Variants in VKORC1 observed in about 807,000 individuals in gnomAD.
VKORC1 encodes the protein phylloquinone epoxide reductase.
Under a neutral mutation model 14.8 loss-of-function variants are expected in VKORC1, and 12 were observed. The ratio of observed to expected loss-of-function variants is 0.81; its 90% CI spans 0.52 to 1.31. VKORC1 has a LOEUF of 1.31. Among genes scored for constraint, VKORC1 ranks in the 50% most tolerant of loss-of-function variants. The pLI is 0.00. For missense variants in VKORC1, 223 were observed against 215.3 expected (o/e 1.04, Z -0.22); for synonymous variants, 94 against 92.5 (o/e 1.02, Z -0.09).
rs781537497 is a variant in VKORC1 at position 31,091,220 on chromosome 16, T to C, written c.406A>G (p.Ile136Val). ...CTCACGTTGATAGCATAGGTGGTGA[T>C]ACAAACAATGCAGAAATCATAGAGC... ...FVLYDFCIVC[I>V]TTYAINVSLM... is the part of the protein sequence containing the mutation. The change falls in exon 3 of 3, where the codon ATC (isoleucine) becomes GTC (valine). Residue 136 changes from isoleucine to valine, a missense_variant. Physicochemically the swap from Ile to Val is conservative, Grantham distance 29. Coordinates refer to ENST00000394975, the MANE Select transcript of VKORC1 (RefSeq NM_024006.6). 1.9e-5 allele frequency: 30 copies of C among 1,613,990 alleles called. No homozygotes were observed. The South Asian group carries it at 3.2e-4, about 17-fold the overall frequency.
intron 1 of VKORC1, 136 bp downstream of exon 1, chr16:31,094,421 C>A: frequency 6.2e-7 from 1 of 1,612,934 alleles, no homozygotes; most frequent in Non-Finnish European, 8.5e-7. Flanking sequence ...GGTAGCTCAG[C>A]CCCTGTGCAA....
In VKORC1 at chr16:31,094,680, A is replaced by G; in HGVS notation, c.50T>C (p.Leu17Pro). The G allele has an allele frequency of 6.2e-7, 1 of 1,608,194 alleles. No individual in the cohort carries two copies. Among genetic ancestry groups the G allele is most frequent in the South Asian group, 1.1e-5 (1 of 90,764 alleles). ...SPGWVRLALC[L>P]TGLVLSLYAL... The stretch of plus-strand genomic sequence containing the variant: ...GTAGAGCGAGAGCACTAAGCCCGTC[A>G]GGCAAAGAGCGAGCCGCACCCAGCC... Residue 17 changes from leucine (L) to proline (P), a missense_variant, in exon 1 of 3, where the codon CTG (leucine) becomes CCG (proline). Coordinates refer to ENST00000394975, the MANE Select transcript of VKORC1 (RefSeq NM_024006.6).
In VKORC1 at chr16:31,093,409, A is replaced by C. The variant is rs770312170; in HGVS notation, c.186T>G (p.Gly62=). 7.1e-5 allele frequency: 115 copies of C among 1,613,954 alleles called. No individual in the cohort carries two copies. Among genetic ancestry groups the C allele is most frequent in the Non-Finnish European group, 9.1e-5 (107 of 1,180,002 alleles). The change falls in exon 2 of 3, where the codon GGT becomes GGG. Residue 62 remains glycine, a synonymous_variant. Coordinates refer to ENST00000394975, the MANE Select transcript of VKORC1 (RefSeq NM_024006.6). ...CCAGCACATGCTCCACCAGCCCGAA[A>C]CCCCTGCCCCACCTGGCAGAGGGGT... is the stretch of plus-strand genomic sequence containing the variant. ...SRVFSSRWGR[G]FGLVEHVLGQ... is the part of the protein sequence containing the mutation.
At position 31,094,293 on chromosome 16, in the gene VKORC1, T is replaced by C. The variant is rs369810433; in HGVS notation, c.173+264A>G. The C allele has an allele frequency of 1.9e-5, 30 of 1,612,910 alleles. No homozygotes were observed. The Middle Eastern group carries it at 6.6e-4, about 35-fold the overall frequency. On this transcript the variant is annotated intron_variant, in intron 1 of 2. Transcript: ENST00000394975. ...TACCGCCATCCTGCCTCCCCGCCTT[T>C]CCTGGTCACCGTTATTCCTTGGCAT...
At chr16:31,094,432 C>T (rs1340928610) in intron 1 of VKORC1, 125 bp downstream of exon 1, 1 of 1,612,856 alleles carries the variant, frequency 6.2e-7, no homozygotes, top group African/African-American at 1.3e-5. Context: ...CCCTGTGCAA[C>T]GACCCCGCGA....
At position 31,091,361 on chromosome 16, in the gene VKORC1, T is replaced by C. The variant is rs754033601; in HGVS notation, c.284-19A>G. ...AGGCAACCTGCAAGGCAGAAGAGGG[T>C]CCGGTGTGGGCTTCAGGCACTGGCC... On this transcript the variant is annotated intron_variant, in intron 2 of 2. Coordinates refer to ENST00000394975, the MANE Select transcript of VKORC1 (RefSeq NM_024006.6). 3.7e-6 allele frequency: 6 copies of C among 1,607,972 alleles called. No individual in the cohort carries two copies. In the Admixed American group the frequency reaches 8.5e-5, roughly 23 times the overall value.
At chr16:31,093,913 G>T in intron 1 of VKORC1, 1 of 352,744 alleles carries the variant, frequency 2.8e-6, no homozygotes, top group Non-Finnish European at 5.2e-6. Flanking sequence ...CACCATGTTG[G>T]CCAGGCTGGT....
chr16:31,094,586 G>A lies in VKORC1; in HGVS notation c.144C>T (p.Ala48=). ...DYRALCDVGT[A]ISCSRVFSSR... is the part of the protein sequence containing the mutation. ...AGGAGAAGACGCGCGAACAGCTGAT[G>A]GCGGTGCCCACGTCGCAGAGCGCGC... Residue 48 remains alanine, a synonymous_variant, in exon 1 of 3, where the codon GCC becomes GCT. Coordinates refer to ENST00000394975, the MANE Select transcript of VKORC1 (RefSeq NM_024006.6). The A allele has an allele frequency of 6.2e-7, 1 of 1,610,752 alleles. No individual in the cohort carries two copies. Among genetic ancestry groups the A allele is most frequent in the Non-Finnish European group, 8.5e-7 (1 of 1,179,336 alleles).
intron 1 of VKORC1, chr16:31,093,660 C>CGTA: frequency 1.4e-6 from 1 of 693,854 alleles, no homozygotes; most frequent in Non-Finnish European, 2.2e-6. Context: ...GTGGCTACTC[C>CGTA]GTAGGCCCTG....
At position 31,091,393 on chromosome 16, in the gene VKORC1, C is replaced by T. The variant is rs760028405; in HGVS notation, c.284-51G>A. 5.7e-6 allele frequency: 9 copies of T among 1,580,586 alleles called. No individual in the cohort carries two copies. The East Asian group carries it at 9.2e-5, about 16-fold the overall frequency. On this transcript the variant is annotated intron_variant, in intron 2 of 2. Transcript: ENST00000394975. ...TGGGCTTCAGGCACTGGCCACCTCC[C>T]GAACACTCCATGATGTCACTGCACT...
chr16:31,091,574 G>T (rs2057290628), intron 2 of VKORC1, among the ~76,000 whole-genome samples: 1 of 152,194 alleles, frequency 6.6e-6, no homozygotes, highest in African/African-American at 2.4e-5. Context: ...AACATAGAAA[G>T]ACCCGATCTC....
chr16:31,093,456 A>AG (rs780768824), intron 1 of VKORC1, 35 bp from the exon 2 acceptor site: 507 of 1,613,894 alleles, frequency 3.1e-4, no homozygotes, highest in Non-Finnish European at 4.1e-4. Context: ...GAACCAGGTT[A>AG]GGACTGTCAA....
Position 31,093,188 on chromosome 16 carries a change from C to T in VKORC1, c.283+124G>A, listed in dbSNP as rs8050894. 3.9e-4 allele frequency: 403 copies of T among 1,026,858 alleles called. No homozygotes were observed. The highest frequency in any genetic ancestry group is 3.1e-4 in the Non-Finnish European group (217 of 693,020). The allele number at this position is 1,026,858 out of a possible 1,614,324, so 63.6% of individuals were successfully genotyped here. A position where few individuals can be genotyped will look rare whatever the true frequency, so the allele number is the denominator to read the frequency against. On this transcript the variant is annotated intron_variant, in intron 2 of 2. Transcript: ENST00000394975. ...CCACATCCCCACCCGCAGGACGCTC[C>T]GTGATGAGCAGCTAGCTGGCTGTCA...
intron 2 of VKORC1, among the ~76,000 whole-genome samples, chr16:31,092,102 C>T (rs554237925): frequency 8.2e-5 from 11 of 133,558 alleles, no homozygotes; most frequent in East Asian, 4.4e-4. Flanking sequence ...TGCTTGAACC[C>T]GGGAGGCAGA....
At chr16:31,093,149 T>A (rs977800689) in intron 2 of VKORC1, among the ~76,000 whole-genome samples, 163 bp downstream of exon 2, 4 of 152,032 alleles carry the variant, frequency 2.6e-5, no homozygotes, top group African/African-American at 9.7e-5. Flanking sequence ...AAAAGACTCC[T>A]GTTAGTTACC....
In VKORC1 at chr16:31,091,403, A is replaced by G. The variant is rs2057289464; in HGVS notation, c.284-61T>C. 2.5e-6 allele frequency: 4 copies of G among 1,570,322 alleles called. No homozygotes were observed. In the South Asian group the frequency reaches 3.5e-5, roughly 14 times the overall value. On this transcript the variant is annotated intron_variant, in intron 2 of 2. Transcript: ENST00000394975. ...GCACTGGCCACCTCCCGAACACTCC[A>G]TGATGTCACTGCACTACCTAGATGC... is the stretch of plus-strand genomic sequence containing the variant.
chr16:31,094,681 G>C lies in VKORC1; in HGVS notation c.49C>G (p.Leu17Val). Reference protein sequence around the residue: ...SPGWVRLALCLTGLVLSLYAL... With the variant: ...SPGWVRLALCVTGLVLSLYAL... ...TAGAGCGAGAGCACTAAGCCCGTCA[G>C]GCAAAGAGCGAGCCGCACCCAGCCA... Residue 17 changes from leucine (L) to valine (V), a missense_variant, in exon 1 of 3, where the codon CTG (leucine) becomes GTG (valine). By Grantham distance (32) the Leu-to-Val change is conservative (BLOSUM62 1). Coordinates refer to ENST00000394975, the MANE Select transcript of VKORC1 (RefSeq NM_024006.6). 1 of 1,608,210 alleles carries C rather than the reference G, an allele frequency of 6.2e-7. No homozygotes were observed. Among genetic ancestry groups the C allele is most frequent in the Non-Finnish European group, 8.5e-7 (1 of 1,178,906 alleles).
chr16:31,091,126 T>C lies in VKORC1; in HGVS notation c.*8A>G, dbSNP rs759428357. 3 of 1,612,876 alleles carry C rather than the reference T, an allele frequency of 1.9e-6. No individual in the cohort carries two copies. Among genetic ancestry groups the C allele is most frequent in the African/African-American group, 2.7e-5 (2 of 74,872 alleles). On this transcript the variant is annotated 3_prime_UTR_variant, in exon 3 of 3. Coordinates refer to ENST00000394975, the MANE Select transcript of VKORC1 (RefSeq NM_024006.6). ...GCAGATGAGGTCAGCCTGGCTTGGG[T>C]TGAGGGCTCAGTGCCTCTTAGCCTT...
Position 31,091,124 on chromosome 16 carries a change from G to C in VKORC1, c.*10C>G, listed in dbSNP as rs2057286230. The C allele has an allele frequency of 4.3e-6, 7 of 1,613,052 alleles. No individual in the cohort carries two copies. The highest frequency in any genetic ancestry group is 5.9e-6 in the Non-Finnish European group (7 of 1,179,984). ...AAGCAGATGAGGTCAGCCTGGCTTG[G>C]GTTGAGGGCTCAGTGCCTCTTAGCC... is the stretch of plus-strand genomic sequence containing the variant. On this transcript the variant is annotated 3_prime_UTR_variant, in exon 3 of 3. Transcript: ENST00000394975.
Sources: gnomAD v4.1 joint callset for allele counts (sites outside exome capture counted in the v4.1 genomes callset) on GRCh38, gnomAD v4.1.1 for gene constraint, MANE v1.5 for transcripts, NCBI Gene and HGNC (gene_info 2026-07-23, HGNC 2026-07-21) for gene names.